The following NELL1 variants were observed in gnomAD, a reference collection of about 807,000 sequenced individuals.
NELL1 encodes protein kinase C-binding protein NELL1.
Under a neutral mutation model 107.4 loss-of-function variants are expected in NELL1, and 76 were observed. That is an observed-to-expected ratio of 0.71 (90% CI 0.59 to 0.86). The LOEUF (loss-of-function observed/expected upper bound fraction) is 0.86. Among genes scored for constraint, NELL1 ranks in the 40% least tolerant of loss-of-function variants. The probability of loss-of-function intolerance (pLI) is 0.00; values close to 1 mark genes in which losing one functional copy is unlikely to be tolerated. For missense variants in NELL1, 1,024 were observed against 1,005.5 expected, an observed-to-expected ratio of 1.02 and a Z score of -0.25; for synonymous variants, 353 against 341.2, an observed-to-expected ratio of 1.03 and a Z score of -0.38.
intron 9 of NELL1, among the ~76,000 whole-genome samples, chr11:20,937,072 C>G (rs1283023380): frequency 1.3e-5 from 2 of 152,166 alleles, no homozygotes; most frequent in Non-Finnish European, 2.9e-5. Flanking sequence ...ATCAAATTGA[C>G]ATATGCTGTA....
At chr11:21,146,117 G>A (rs1180722187) in intron 13 of NELL1, among the ~76,000 whole-genome samples, 2 of 152,200 alleles carry the variant, frequency 1.3e-5, no homozygotes, top group Non-Finnish European at 2.9e-5. Flanking sequence ...ATCAAAGGCT[G>A]TTGTGAGGAT....
intron 12 of NELL1, among the ~76,000 whole-genome samples, chr11:21,060,775 C>T (rs1377582236): frequency 6.6e-6 from 1 of 152,222 alleles, no homozygotes; most frequent in Non-Finnish European, 1.5e-5. Context: ...GATCTCCGCT[C>T]ACTGCAACCT....
chr11:21,044,543 T>C (rs982877780), intron 12 of NELL1, among the ~76,000 whole-genome samples: 1 of 152,136 alleles, frequency 6.6e-6, no homozygotes, highest in Admixed American at 6.6e-5. Flanking sequence ...TGTTTTAAGA[T>C]GAGCGATACC....
chr11:21,522,381 G>T (rs541992717), intron 15 of NELL1, among the ~76,000 whole-genome samples: 16 of 152,270 alleles, frequency 1.1e-4, no homozygotes, highest in African/African-American at 3.9e-4. Flanking sequence ...ATGCTATTTA[G>T]CCGTAAAAAA....
At chr11:20,878,439 T>C (rs1365967635) in intron 4 of NELL1, among the ~76,000 whole-genome samples, 1 of 150,960 alleles carries the variant, frequency 6.6e-6, no homozygotes, top group East Asian at 2.0e-4. Context: ...CTTTCTGAAA[T>C]ACATCTCTCT....
chr11:20,727,264 T>C (rs914610587), intron 2 of NELL1, among the ~76,000 whole-genome samples: 2 of 152,204 alleles, frequency 1.3e-5, no homozygotes, highest in Non-Finnish European at 2.9e-5. Flanking sequence ...ACCTGTTGTT[T>C]CCTAACTTTT....
chr11:21,195,879 A>G (rs1347514215), intron 13 of NELL1, among the ~76,000 whole-genome samples: 4 of 152,188 alleles, frequency 2.6e-5, no homozygotes, highest in African/African-American at 9.6e-5. Context: ...CAACAAGCTC[A>G]CAGTTTATTC....
chr11:21,404,561 A>G (rs1852188842), intron 15 of NELL1, among the ~76,000 whole-genome samples: 2 of 152,108 alleles, frequency 1.3e-5, no homozygotes, highest in East Asian at 3.9e-4. Flanking sequence ...TGACTTGCTC[A>G]AGGAGTAAGA....
At chr11:21,177,475 T>G (rs1856737493) in intron 13 of NELL1, among the ~76,000 whole-genome samples, 1 of 151,880 alleles carries the variant, frequency 6.6e-6, no homozygotes, top group Admixed American at 6.6e-5. Flanking sequence ...TATTCTATTG[T>G]GTATATGTAC....
At chr11:20,984,345 T>C (rs1426365679) in intron 12 of NELL1, among the ~76,000 whole-genome samples, 1 of 152,216 alleles carries the variant, frequency 6.6e-6, no homozygotes, top group African/African-American at 2.4e-5. Flanking sequence ...TCTGAGTCCG[T>C]ATCTTGGCTT....
intron 15 of NELL1, among the ~76,000 whole-genome samples, chr11:21,512,931 G>C (rs941890279): frequency 6.6e-6 from 1 of 152,164 alleles, no homozygotes; most frequent in African/African-American, 2.4e-5. Context: ...ATGCTCAGCA[G>C]ATATTTGATG....
At chr11:21,131,022 A>G (rs1160345497) in intron 13 of NELL1, among the ~76,000 whole-genome samples, 1 of 152,156 alleles carries the variant, frequency 6.6e-6, no homozygotes, top group African/African-American at 2.4e-5. Flanking sequence ...CAACCTAAAT[A>G]GATGTGGACT....
At chr11:20,860,263 T>C (rs187278211) in intron 4 of NELL1, among the ~76,000 whole-genome samples, 3 of 152,340 alleles carry the variant, frequency 2.0e-5, no homozygotes, top group Admixed American at 2.0e-4. Flanking sequence ...GATCATTTGA[T>C]TGATGTCTGC....
At chr11:21,336,297 A>T (rs1012823562) in intron 14 of NELL1, among the ~76,000 whole-genome samples, 1 of 152,032 alleles carries the variant, frequency 6.6e-6, no homozygotes, top group Non-Finnish European at 1.5e-5. Flanking sequence ...GCCTTTTTAT[A>T]TACAGTATCT....
At chr11:21,418,561 C>T (rs1852577051) in intron 15 of NELL1, among the ~76,000 whole-genome samples, 1 of 152,052 alleles carries the variant, frequency 6.6e-6, no homozygotes, top group African/African-American at 2.4e-5. Context: ...TAGCACAGTG[C>T]TAATTGCTGT....
At chr11:20,708,027 A>T (rs1391760128) in intron 2 of NELL1, among the ~76,000 whole-genome samples, 2 of 152,140 alleles carry the variant, frequency 1.3e-5, no homozygotes, top group Non-Finnish European at 2.9e-5. Context: ...TTGTTTACCT[A>T]CTTAAGCCTC....
chr11:21,461,444 TA>T (rs577489924), intron 15 of NELL1, among the ~76,000 whole-genome samples: 294 of 152,176 alleles, frequency 1.9e-3, no homozygotes, highest in African/African-American at 6.5e-3. Context: ...TTCTCCCCTA[TA>T]AAAAATATTA....
intron 15 of NELL1, among the ~76,000 whole-genome samples, chr11:21,519,820 C>T (rs538290062): frequency 6.6e-6 from 1 of 152,256 alleles, no homozygotes; most frequent in Non-Finnish European, 1.5e-5. Context: ...TTATATCAGG[C>T]AGATTCTGCC....
At chr11:20,727,904 A>G (rs559866630) in intron 2 of NELL1, among the ~76,000 whole-genome samples, 1 of 152,184 alleles carries the variant, frequency 6.6e-6, no homozygotes, top group Non-Finnish European at 1.5e-5. Context: ...TGATTGCACT[A>G]ATTTACATTC....
Sources: allele counts gnomAD v4.1 joint callset (sites outside exome capture counted in the v4.1 genomes callset), GRCh38; gene constraint gnomAD v4.1.1; transcripts MANE v1.5; gene names NCBI Gene and HGNC (gene_info 2026-07-23, HGNC 2026-07-21).